Variants in PRKCE observed in about 807,000 individuals in gnomAD.
PRKCE encodes protein kinase C epsilon.
Under a neutral mutation model 85.4 loss-of-function variants are expected in PRKCE, and 16 were observed. The ratio of observed to expected loss-of-function variants is 0.19; its 90% CI spans 0.13 to 0.28. The LOEUF (loss-of-function observed/expected upper bound fraction) is 0.28, where lower values mean the gene tolerates loss of function less well. Among genes scored for constraint, PRKCE ranks in the 10% least tolerant of loss-of-function variants. PRKCE has a pLI of 1.00. For missense variants in PRKCE, 573 were observed against 975.2 expected (o/e 0.59, Z 5.49); for synonymous variants, 388 against 371.5 (o/e 1.04, Z -0.51).
At chr2:45,677,809 C>A (rs1389652503) in intron 1 of PRKCE, 4 of 982,406 alleles carry the variant, frequency 4.1e-6, no homozygotes, top group Non-Finnish European at 4.8e-6. Context: ...TGCTTTAGAT[C>A]GTTGTGGAAA....
rs111450764 is a variant in PRKCE at position 46,144,988 on chromosome 2, C to G, written c.1593-105C>G. ...CAAGAAACACAAGCTTCTTTCAGGA[C>G]TTTTTTGCTGGAGATTTCCCTAAGA... On this transcript the variant is annotated intron_variant, in intron 11 of 14. Coordinates refer to ENST00000306156, the MANE Select transcript of PRKCE (RefSeq NM_005400.3). 3 of 1,520,064 alleles carry G rather than the reference C, an allele frequency of 2.0e-6. No individual in the cohort carries two copies. In the East Asian group the frequency reaches 6.8e-5, roughly 35 times the overall value. 94.2% of individuals were successfully genotyped at this position (1,520,064 alleles called of 1,614,324 possible). A position where few individuals can be genotyped will look rare whatever the true frequency, so the allele number is the denominator to read the frequency against.
chr2:45,670,660 G>A (rs746910676), intron 1 of PRKCE, among the ~76,000 whole-genome samples: 4 of 152,150 alleles, frequency 2.6e-5, no homozygotes, highest in Non-Finnish European at 4.4e-5. Flanking sequence ...AAAGAGGATA[G>A]GGTTCCCTGC....
intron 2 of PRKCE, among the ~76,000 whole-genome samples, chr2:45,962,828 T>C (rs1701470774): frequency 6.6e-6 from 1 of 152,180 alleles, no homozygotes; most frequent in Non-Finnish European, 1.5e-5. Flanking sequence ...TCCTGAGCCC[T>C]GAAGGAGCAT....
intron 1 of PRKCE, among the ~76,000 whole-genome samples, chr2:45,747,952 T>C (rs1367620879): frequency 6.6e-6 from 1 of 152,196 alleles, no homozygotes; most frequent in African/African-American, 2.4e-5. Flanking sequence ...ATGTGCTTAC[T>C]GGCCACCTGT....
intron 1 of PRKCE, among the ~76,000 whole-genome samples, chr2:45,659,214 C>T (rs1675521956): frequency 6.6e-6 from 1 of 152,204 alleles, no homozygotes; most frequent in African/African-American, 2.4e-5. Flanking sequence ...TCTCCTCAAT[C>T]TAAGCCCTTC....
chr2:45,985,007 T>C (rs1703196952), intron 6 of PRKCE, among the ~76,000 whole-genome samples: 1 of 152,142 alleles, frequency 6.6e-6, no homozygotes, highest in Non-Finnish European at 1.5e-5. Context: ...AGAAAAGTAA[T>C]ATTTTTGGAG....
rs7587497 is a variant in PRKCE at position 45,740,106 on chromosome 2, C to A, written c.348+87658C>A. On this transcript the variant is annotated intron_variant, in intron 1 of 14. Coordinates refer to ENST00000306156, the MANE Select transcript of PRKCE (RefSeq NM_005400.3). ...CTGAGGCTGGGGGATCACTTGAGCC[C>A]AGGAGTTTAAGACCAGCCTGGGCAA... Among the ~76,000 whole-genome samples the A allele has an allele frequency of 3.9e-3, 568 of 144,230 alleles. 5 individuals carry two copies. The highest frequency in any genetic ancestry group is 0.015 in the African/African-American group (550 of 37,792). The allele number at this position is 144,230 out of a possible 152,430, so 94.6% of individuals were successfully genotyped here. A position where few individuals can be genotyped will look rare whatever the true frequency, so the allele number is the denominator to read the frequency against.
In PRKCE at chr2:46,001,045, G is replaced by A. The variant is rs1704637598; in HGVS notation, c.824-359G>A. The A allele has an allele frequency of 6.6e-6, 1 of 152,352 alleles. No homozygotes were observed. The highest frequency in any genetic ancestry group is 1.5e-5 in the Non-Finnish European group (1 of 68,172). 9.4% of individuals were successfully genotyped at this position (152,352 alleles called of 1,614,324 possible). A position where few individuals can be genotyped will look rare whatever the true frequency, so the allele number is the denominator to read the frequency against. ...TGTCTTACACCAAGGACAACTAAGTGAAGAGGGAAAAGCAAAGGAATTCAT... is the reference window on the plus strand; with the variant it reads ...TGTCTTACACCAAGGACAACTAAGTAAAGAGGGAAAAGCAAAGGAATTCAT... On this transcript the variant is annotated intron_variant, in intron 6 of 14. Coordinates refer to ENST00000306156, the MANE Select transcript of PRKCE (RefSeq NM_005400.3). This position sits in a 1 kb window ranked among gnomAD's most constrained non-coding sequence, Gnocchi z 4.4.
intron 2 of PRKCE, among the ~76,000 whole-genome samples, chr2:45,848,451 C>T (rs550189805): frequency 6.6e-6 from 1 of 152,162 alleles, no homozygotes; most frequent in Non-Finnish European, 1.5e-5. Context: ...GCTGGGACTA[C>T]AGGCATGCAC....
rs1360359633 is a variant in PRKCE, at chr2:46,001,642, C to G, written c.966+96C>G. The G allele has an allele frequency of 7.2e-7, 1 of 1,384,098 alleles. No individual in the cohort carries two copies. The highest frequency in any genetic ancestry group is 2.7e-5 in the Admixed American group (1 of 36,620). 85.7% of individuals were successfully genotyped at this position (1,384,098 alleles called of 1,614,324 possible). A position where few individuals can be genotyped will look rare whatever the true frequency, so the allele number is the denominator to read the frequency against. On this transcript the variant is annotated intron_variant, in intron 7 of 14. Coordinates refer to ENST00000306156, the MANE Select transcript of PRKCE (RefSeq NM_005400.3). This position sits in a 1 kb window ranked among gnomAD's most constrained non-coding sequence, Gnocchi z 4.4. ...TGCTCTGGAGTGAGGTAATAAGATT[C>G]CTGGGTTTGAGGTATTTTACTCAGA...
chr2:45,761,487 C>T (rs1027270349), intron 1 of PRKCE, among the ~76,000 whole-genome samples: 2 of 152,138 alleles, frequency 1.3e-5, no homozygotes, highest in Admixed American at 6.5e-5. Flanking sequence ...ACAATGACGT[C>T]CAGAAGTATA....
intron 10 of PRKCE, among the ~76,000 whole-genome samples, chr2:46,072,223 C>T (rs1409055558): frequency 1.3e-5 from 2 of 152,200 alleles, no homozygotes; most frequent in Non-Finnish European, 1.5e-5. Flanking sequence ...TGCCTTCAGC[C>T]ACCAGCTGTG....
chr2:45,684,712 T>A (rs1677161387), intron 1 of PRKCE, among the ~76,000 whole-genome samples: 1 of 152,182 alleles, frequency 6.6e-6, no homozygotes, highest in Non-Finnish European at 1.5e-5. Context: ...TTTCATTTCT[T>A]TTGCCAAATG....
At chr2:45,792,319 C>T (rs1259245563) in intron 1 of PRKCE, among the ~76,000 whole-genome samples, 1 of 152,162 alleles carries the variant, frequency 6.6e-6, no homozygotes, top group African/African-American at 2.4e-5. Context: ...TCCCCATAAC[C>T]CAGACACCTC....
intron 1 of PRKCE, among the ~76,000 whole-genome samples, chr2:45,683,309 C>G (rs887952973): frequency 6.6e-6 from 1 of 152,172 alleles, no homozygotes; most frequent in African/African-American, 2.4e-5. Flanking sequence ...CCCCCATAGA[C>G]TGTGACAATT....
intron 5 of PRKCE, among the ~76,000 whole-genome samples, chr2:45,982,952 A>G (rs1374858592): frequency 6.6e-6 from 1 of 152,214 alleles, no homozygotes; most frequent in African/African-American, 2.4e-5. Flanking sequence ...CCATGCCTTC[A>G]GGGTATGTGT....
intron 13 of PRKCE, among the ~76,000 whole-genome samples, chr2:46,153,862 C>A (rs367670360): frequency 7.0e-6 from 1 of 142,882 alleles, no homozygotes; most frequent in Non-Finnish European, 1.5e-5. Flanking sequence ...TCTCTGCTCA[C>A]TGCAACTTCC....
rs187032142 is a variant in PRKCE at position 45,964,125 on chromosome 2, A to G, written c.413-12304A>G. Among the ~76,000 whole-genome samples, 599 of 152,308 alleles carry G rather than the reference A, an allele frequency of 3.9e-3. 8 individuals carry two copies. The highest frequency in any genetic ancestry group is 0.014 in the African/African-American group (567 of 41,564). The stretch of plus-strand genomic sequence containing the variant: ...CATAGCCTTTAGGGTTGCAGTGCCT[A>G]TGGCATTAAAAGGCTTGTTATTTGT... On this transcript the variant is annotated intron_variant, in intron 2 of 14. Transcript: ENST00000306156.
At chr2:45,976,271 G>T (rs982241754) in intron 2 of PRKCE, among the ~76,000 whole-genome samples, 158 bp from the exon 3 acceptor site, 2 of 151,940 alleles carry the variant, frequency 1.3e-5, no homozygotes, top group African/African-American at 4.8e-5. Flanking sequence ...CTGCTCAGTG[G>T]GACTCCTCAG....
Sources: gnomAD v4.1 joint callset for allele counts (sites outside exome capture counted in the v4.1 genomes callset) on GRCh38, gnomAD v4.1.1 for gene constraint, Gnocchi (gnomAD v3.1) non-coding constraint, MANE v1.5 for transcripts, NCBI Gene and HGNC (gene_info 2026-07-23, HGNC 2026-07-21) for gene names.